GRM5: variants seen among roughly 807,000 people sequenced by gnomAD.
The protein encoded by GRM5 is metabotropic glutamate receptor 5.
A neutral mutation model predicts 83.1 loss-of-function variants in GRM5; 19 were observed. That is an observed-to-expected ratio of 0.23 (90% CI 0.16 to 0.34). The LOEUF (loss-of-function observed/expected upper bound fraction) is 0.34, where lower values mean the gene tolerates loss of function less well. Ranked by LOEUF, GRM5 falls within the 10% of genes least tolerant of loss-of-function variation. GRM5 has a pLI of 1.00. For synonymous variants in GRM5, 675 were observed against 633.6 expected (o/e 1.07, Z -0.98); for missense variants, 1,160 against 1,588.3 (o/e 0.73, Z 4.58).
At chr11:88,933,112 T>A (rs1937766935) in intron 2 of GRM5, among the ~76,000 whole-genome samples, 1 of 151,512 alleles carries the variant, frequency 6.6e-6, no homozygotes, top group Non-Finnish European at 1.5e-5. Context: ...TATTACTTTC[T>A]ATCTTTTAAT....
intron 4 of GRM5, among the ~76,000 whole-genome samples, chr11:88,651,485 C>T (rs1939629932): frequency 6.6e-6 from 1 of 151,992 alleles, no homozygotes; most frequent in African/African-American, 2.4e-5. Context: ...CACAGAAGGA[C>T]ATATGATCCC....
intron 3 of GRM5, among the ~76,000 whole-genome samples, chr11:88,662,259 A>C (rs543497065): frequency 6.6e-6 from 1 of 152,210 alleles, no homozygotes; most frequent in Non-Finnish European, 1.5e-5. Flanking sequence ...AAACCCCATG[A>C]CAAATGTAGA....
chr11:88,679,211 T>C (rs1287112878), intron 3 of GRM5, among the ~76,000 whole-genome samples: 1 of 152,148 alleles, frequency 6.6e-6, no homozygotes, highest in Non-Finnish European at 1.5e-5. Context: ...GTTTGGATCA[T>C]GGCAATGGAG....
chr11:88,843,603 T>C (rs1481191541), intron 3 of GRM5, among the ~76,000 whole-genome samples: 1 of 152,132 alleles, frequency 6.6e-6, no homozygotes, highest in African/African-American at 2.4e-5. Flanking sequence ...AGCCCTACAA[T>C]GGCTAAATGC....
chr11:89,012,018 T>A (rs942163745), intron 2 of GRM5, among the ~76,000 whole-genome samples: 1 of 152,090 alleles, frequency 6.6e-6, no homozygotes, highest in Non-Finnish European at 1.5e-5. Flanking sequence ...CCCATTCTGA[T>A]AGCAATAATG....
At chr11:88,586,897 T>C (rs1943326122) in intron 7 of GRM5, among the ~76,000 whole-genome samples, 1 of 152,156 alleles carries the variant, frequency 6.6e-6, no homozygotes, top group South Asian at 2.1e-4. Flanking sequence ...GGCCCCACAC[T>C]GTCTATATAG....
chr11:89,056,850 G>A (rs191976318), intron 1 of GRM5, among the ~76,000 whole-genome samples: 2 of 152,168 alleles, frequency 1.3e-5, no homozygotes, highest in Admixed American at 1.3e-4. Flanking sequence ...TTATATTTGT[G>A]GGTCCTTAGC....
intron 3 of GRM5, among the ~76,000 whole-genome samples, chr11:88,741,586 C>T (rs1156621488): frequency 6.6e-6 from 1 of 152,010 alleles, no homozygotes; most frequent in Non-Finnish European, 1.5e-5. Context: ...TGAAAATGTG[C>T]AGGGGTTAGA....
chr11:88,570,571 A>ATATATATATATATATACATATTT (rs1405339448), intron 7 of GRM5, among the ~76,000 whole-genome samples: 1 of 46,376 alleles, frequency 2.2e-5, no homozygotes, highest in Admixed American at 2.9e-4. Flanking sequence ...ATATATATAT[A>ATATATATATATATATACATATTT]TTTTTTTTTT....
At chr11:88,848,605 T>C (rs1944337790) in intron 3 of GRM5, among the ~76,000 whole-genome samples, 1 of 152,226 alleles carries the variant, frequency 6.6e-6, no homozygotes, top group Non-Finnish European at 1.5e-5. Flanking sequence ...TTTAAAGGTA[T>C]GCAATGAAGA....
chr11:88,685,017 T>C (rs1940583974), intron 3 of GRM5, among the ~76,000 whole-genome samples: 1 of 152,158 alleles, frequency 6.6e-6, no homozygotes, highest in South Asian at 2.1e-4. Flanking sequence ...CCTGAACATG[T>C]GGAAGCAGCT....
intron 2 of GRM5, among the ~76,000 whole-genome samples, chr11:88,908,465 T>A (rs1945439748): frequency 6.6e-6 from 1 of 152,108 alleles, no homozygotes. Flanking sequence ...CTGCACCACC[T>A]CTTTCACATA....
intron 7 of GRM5, among the ~76,000 whole-genome samples, chr11:88,574,165 G>T (rs796908434): frequency 8.6e-5 from 13 of 152,016 alleles, no homozygotes; most frequent in Non-Finnish European, 8.8e-5. Context: ...CACACAAACG[G>T]GTCCTCAGTA....
intron 3 of GRM5, among the ~76,000 whole-genome samples, chr11:88,780,904 A>G (rs932860351): frequency 6.6e-6 from 1 of 152,036 alleles, no homozygotes; most frequent in Non-Finnish European, 1.5e-5. Flanking sequence ...CAAGTGTGAG[A>G]CAAATTTGCA....
intron 7 of GRM5, among the ~76,000 whole-genome samples, chr11:88,587,732 T>C (rs1943346863): frequency 6.6e-6 from 1 of 152,094 alleles, no homozygotes; most frequent in African/African-American, 2.4e-5. Context: ...TCTCTAAAAA[T>C]GCAAGGTCAC....
intron 3 of GRM5, among the ~76,000 whole-genome samples, chr11:88,752,731 G>C (rs1291435163): frequency 6.6e-6 from 1 of 152,108 alleles, no homozygotes; most frequent in Non-Finnish European, 1.5e-5. Flanking sequence ...AGTAACCAAA[G>C]CAGCATACTA....
intron 2 of GRM5, among the ~76,000 whole-genome samples, chr11:89,041,313 A>T (rs1455075969): frequency 1.3e-5 from 2 of 152,248 alleles, no homozygotes; most frequent in Non-Finnish European, 2.9e-5. Flanking sequence ...CGCTGAAAAC[A>T]AAATTCCTTT....
At chr11:88,987,950 G>C (rs7102141) in intron 2 of GRM5, among the ~76,000 whole-genome samples, 88,396 of 147,666 alleles carry the variant, frequency 0.6, 27,759 homozygotes, top group African/African-American at 0.79. Flanking sequence ...AAAAGCAGAG[G>C]GCCTCTCCTC....
chr11:88,783,322 GT>G (rs1943008293), intron 3 of GRM5, among the ~76,000 whole-genome samples: 1 of 151,992 alleles, frequency 6.6e-6, no homozygotes, highest in Non-Finnish European at 1.5e-5. Context: ...TAAATTTTGG[GT>G]ATCTTCCTCA....
Sources: gnomAD v4.1 joint callset for allele counts (sites outside exome capture counted in the v4.1 genomes callset) on GRCh38, gnomAD v4.1.1 for gene constraint, MANE v1.5 for transcripts, NCBI Gene and HGNC (gene_info 2026-07-23, HGNC 2026-07-21) for gene names.